The following SLC2A13 variants were observed in gnomAD, a reference collection of about 807,000 sequenced individuals.
The protein encoded by SLC2A13 is solute carrier family 2 member 13, also known as proton myo-inositol cotransporter.
Under a neutral mutation model 64.4 loss-of-function variants are expected in SLC2A13, and 32 were observed. The observed-to-expected ratio is 0.50, with a 90% CI of 0.37 to 0.67. The LOEUF is 0.67. Among genes scored for constraint, SLC2A13 ranks in the 30% least tolerant of loss-of-function variants. SLC2A13 has a pLI of 0.00. For missense variants in SLC2A13, 743 were observed against 829.2 expected (o/e 0.90, Z 1.28); for synonymous variants, 338 against 327.1 (o/e 1.03, Z -0.36).
intron 2 of SLC2A13, among the ~76,000 whole-genome samples, chr12:40,044,881 G>A (rs902239798): frequency 6.6e-6 from 1 of 152,066 alleles, no homozygotes; most frequent in Non-Finnish European, 1.5e-5. Context: ...GATTATAAAC[G>A]CTTGAAAGCA....
At chr12:40,098,194 C>G (rs1355117747) in intron 1 of SLC2A13, among the ~76,000 whole-genome samples, 1 of 152,150 alleles carries the variant, frequency 6.6e-6, no homozygotes, top group African/African-American at 2.4e-5. Context: ...GAGGGAAACT[C>G]TATCATATGC....
At position 40,099,315 on chromosome 12, in the gene SLC2A13, G is replaced by A. The variant is rs550915039; in HGVS notation, c.556+5938C>T. On this transcript the variant is annotated intron_variant, in intron 1 of 9. Transcript: ENST00000280871. ...TCTGATGGGTCACAGGAAAAAGAAA[G>A]GTAAAGAAATGGAAAAAGGTGTAGA... is the stretch of plus-strand genomic sequence containing the variant. Among the ~76,000 whole-genome samples the A allele has an allele frequency of 2.6e-5, 4 of 152,170 alleles. No homozygotes were observed. The South Asian group carries it at 8.3e-4, about 32-fold the overall frequency.
intron 1 of SLC2A13, among the ~76,000 whole-genome samples, chr12:40,085,609 A>G (rs553875924): frequency 3.9e-5 from 6 of 152,222 alleles, no homozygotes; most frequent in South Asian, 2.1e-4. Context: ...TATACTTTTG[A>G]GTATGTTTTT....
At chr12:40,080,632 T>C (rs1439214233) in intron 1 of SLC2A13, among the ~76,000 whole-genome samples, 2 of 152,210 alleles carry the variant, frequency 1.3e-5, no homozygotes, top group Non-Finnish European at 2.9e-5. Flanking sequence ...CCTCAGGTGA[T>C]CCACCTGCCT....
intron 3 of SLC2A13, among the ~76,000 whole-genome samples, chr12:39,957,198 C>A (rs145852098): frequency 1.3e-4 from 20 of 152,266 alleles, no homozygotes; most frequent in African/African-American, 4.6e-4. Context: ...GTTGCTACCC[C>A]CATCTTAGAA....
intron 3 of SLC2A13, among the ~76,000 whole-genome samples, chr12:39,970,466 C>T (rs767931112): frequency 6.6e-6 from 1 of 152,150 alleles, no homozygotes; most frequent in Admixed American, 6.5e-5. Context: ...TTAATACACT[C>T]ATTGGTACCT....
intron 4 of SLC2A13, among the ~76,000 whole-genome samples, chr12:39,881,652 T>C: frequency 6.6e-6 from 1 of 152,184 alleles, no homozygotes; most frequent in Admixed American, 6.6e-5. Flanking sequence ...CATACTCTTT[T>C]TCTGTGCCCT....
chr12:40,024,783 C>T (rs1218291690), intron 3 of SLC2A13, among the ~76,000 whole-genome samples: 1 of 152,118 alleles, frequency 6.6e-6, no homozygotes, highest in Non-Finnish European at 1.5e-5. Context: ...AAAGAGGAGG[C>T]ACTTCTCAGA....
intron 4 of SLC2A13, among the ~76,000 whole-genome samples, chr12:39,883,284 G>A (rs12310523): frequency 0.24 from 35,726 of 151,904 alleles, 4,346 homozygotes; most frequent in South Asian, 0.31. Flanking sequence ...TTCTGAATAC[G>A]CCTCACCACC....
chr12:40,082,961 A>G (rs1032243061), intron 1 of SLC2A13, among the ~76,000 whole-genome samples: 2 of 150,998 alleles, frequency 1.3e-5, no homozygotes, highest in African/African-American at 4.9e-5. Flanking sequence ...TCTACTCTCA[A>G]TACCTTCTTT....
chr12:39,976,526 AT>A (rs1946761667), intron 3 of SLC2A13, among the ~76,000 whole-genome samples: 1 of 152,098 alleles, frequency 6.6e-6, no homozygotes, highest in African/African-American at 2.4e-5. Context: ...TACCTCTGGT[AT>A]TTCCCACTTG....
At position 40,023,798 on chromosome 12, in the gene SLC2A13, G is replaced by T. The variant is rs576459317; in HGVS notation, c.925+4503C>A. On this transcript the variant is annotated intron_variant, in intron 3 of 9. Coordinates refer to ENST00000280871, the MANE Select transcript of SLC2A13 (RefSeq NM_052885.4). ...TTCAGGACATGTCTGTCAAACTGAG[G>T]GATACATATCCCAGGGATATAAATG... is the stretch of plus-strand genomic sequence containing the variant. 1.2e-4 allele frequency among the ~76,000 whole-genome samples: 18 copies of T among 152,230 alleles called. No individual in the cohort carries two copies. In the South Asian group the frequency reaches 3.7e-3, roughly 32 times the overall value.
rs1565596310 is a variant in SLC2A13 at position 40,028,439 on chromosome 12, G to C, written c.787C>G (p.Pro263Ala). Residue 263 changes from proline to alanine, a missense_variant, in exon 3 of 10, where the codon CCT becomes GCT. Pro to Ala is a conservative substitution (Grantham distance 27). Transcript: ENST00000280871. ...TGTCCTTTCTGAATAAGCCATCGAG[G>C]GCTTTCAGGCAAAAAGAGAAAGCCA... Reference protein sequence around the residue: ...FFGFLFLPESPRWLIQKGQTQ... With the variant: ...FFGFLFLPESARWLIQKGQTQ... 6.2e-7 allele frequency: 1 copy of C among 1,613,670 alleles called. No homozygotes were observed. The highest frequency in any genetic ancestry group is 1.3e-5 in the African/African-American group (1 of 74,808).
At chr12:40,037,654 T>C (rs1038075764) in intron 2 of SLC2A13, among the ~76,000 whole-genome samples, 1 of 150,668 alleles carries the variant, frequency 6.6e-6, no homozygotes, top group Non-Finnish European at 1.5e-5. Context: ...AAAAAAATTC[T>C]ATATGGGCCT....
chr12:39,955,882 G>A (rs1946306458), intron 3 of SLC2A13, among the ~76,000 whole-genome samples: 1 of 152,236 alleles, frequency 6.6e-6, no homozygotes, highest in East Asian at 1.9e-4. Context: ...ACTCTGGAGG[G>A]GGTGTGGGAC....
chr12:39,915,983 C>A (rs1340290806), intron 4 of SLC2A13, among the ~76,000 whole-genome samples: 1 of 151,820 alleles, frequency 6.6e-6, no homozygotes, highest in Admixed American at 6.6e-5. Flanking sequence ...CTCCAAATGC[C>A]TTTTACTCCT....
intron 4 of SLC2A13, among the ~76,000 whole-genome samples, chr12:39,906,940 A>G (rs1483957774): frequency 1.3e-5 from 2 of 152,148 alleles, no homozygotes; most frequent in Non-Finnish European, 2.9e-5. Flanking sequence ...TTTTTATTTG[A>G]TTCTTTTTAT....
chr12:39,997,764 G>C (rs1017273693), intron 3 of SLC2A13, among the ~76,000 whole-genome samples: 1 of 152,158 alleles, frequency 6.6e-6, no homozygotes, highest in Admixed American at 6.5e-5. Flanking sequence ...CTGGGAGGCG[G>C]AGTTTGCGGT....
intron 1 of SLC2A13, among the ~76,000 whole-genome samples, chr12:40,060,611 C>T (rs1471787953): frequency 1.3e-5 from 2 of 152,086 alleles, no homozygotes; most frequent in Non-Finnish European, 2.9e-5. Flanking sequence ...CTTTATTAAA[C>T]CACAGCTGAC....
Sources: allele counts gnomAD v4.1 joint callset (sites outside exome capture counted in the v4.1 genomes callset), GRCh38; gene constraint gnomAD v4.1.1; transcripts MANE v1.5; gene names NCBI Gene and HGNC (gene_info 2026-07-23, HGNC 2026-07-21).